WDR64: variants seen among roughly 807,000 people sequenced by gnomAD.
WDR64 encodes the protein WD repeat-containing protein 64.
In WDR64, 112 loss-of-function variants were observed where a neutral mutation model predicts 139.3. The ratio of observed to expected loss-of-function variants is 0.80; its 90% CI spans 0.69 to 0.94. The LOEUF (loss-of-function observed/expected upper bound fraction) is 0.94. Ranked by LOEUF, WDR64 falls within the 40% of genes least tolerant of loss-of-function variation. The pLI is 0.00. For synonymous variants in WDR64, 444 were observed against 437.7 expected (o/e 1.01, Z -0.18); for missense variants, 1,206 against 1,293.1 (o/e 0.93, Z 1.03).
intron 8 of WDR64, among the ~76,000 whole-genome samples, chr1:241,710,176 CCTTGTCTGGGCTT>C (rs1179847654): frequency 2.6e-5 from 4 of 152,124 alleles, no homozygotes; most frequent in Non-Finnish European, 5.9e-5. Flanking sequence ...TCCCAGACCT[CCTTGTCTGGGCTT>C]CTTGTCTAGG....
chr1:241,783,579 G>A (rs1037353764), intron 23 of WDR64, among the ~76,000 whole-genome samples, 198 bp downstream of exon 23: 28 of 152,306 alleles, frequency 1.8e-4, no homozygotes, highest in African/African-American at 6.5e-4. Context: ...AAGGACATGA[G>A]ATGTCACATT....
chr1:241,673,305 A>G (rs1666314231), intron 3 of WDR64, among the ~76,000 whole-genome samples: 1 of 152,128 alleles, frequency 6.6e-6, no homozygotes, highest in African/African-American at 2.4e-5. Context: ...CATTGTGCAC[A>G]TGTACCCTAA....
At chr1:241,792,262 T>C (rs559434475) in intron 25 of WDR64, among the ~76,000 whole-genome samples, 5 of 152,198 alleles carry the variant, frequency 3.3e-5, no homozygotes, top group East Asian at 3.9e-4. Context: ...AGGGGCCGGG[T>C]GCGGTGGCTC....
intron 6 of WDR64, among the ~76,000 whole-genome samples, chr1:241,681,831 T>C (rs970354438): frequency 2.0e-5 from 3 of 152,198 alleles, no homozygotes; most frequent in African/African-American, 7.2e-5. Flanking sequence ...AGGAGTAAGA[T>C]GGTATCATAT....
At chr1:241,693,857 G>T (rs1272758478) in intron 8 of WDR64, among the ~76,000 whole-genome samples, 1 of 152,088 alleles carries the variant, frequency 6.6e-6, no homozygotes, top group African/African-American at 2.4e-5. Context: ...CTTCTCTGGT[G>T]ATTTAATTCC....
chr1:241,733,994 TG>T (rs1187872988), intron 10 of WDR64, among the ~76,000 whole-genome samples: 1 of 152,068 alleles, frequency 6.6e-6, no homozygotes, highest in Non-Finnish European at 1.5e-5. Context: ...AAGTAAGCCT[TG>T]GGGGGCTGAA....
At chr1:241,757,997 G>T (rs1670272162) in intron 15 of WDR64, among the ~76,000 whole-genome samples, 1 of 151,852 alleles carries the variant, frequency 6.6e-6, no homozygotes, top group South Asian at 2.1e-4. Context: ...TCTTATGGTT[G>T]GTTTCAACAA....
At chr1:241,698,103 A>G (rs1303224026) in intron 8 of WDR64, among the ~76,000 whole-genome samples, 1 of 152,174 alleles carries the variant, frequency 6.6e-6, no homozygotes, top group Admixed American at 6.5e-5. Flanking sequence ...TTCTTGCTCA[A>G]TATCTGCACT....
In WDR64 at chr1:241,703,538, G is replaced by T. The variant is rs1667814992; in HGVS notation, c.975-8264G>T. 6.6e-6 allele frequency among the ~76,000 whole-genome samples: 1 copy of T among 151,788 alleles called. No homozygotes were observed. Among genetic ancestry groups the T allele is most frequent in the South Asian group, 2.1e-4 (1 of 4,792 alleles). On this transcript the variant is annotated intron_variant, in intron 8 of 27. Transcript: ENST00000437684. This position sits in a 1 kb window ranked among gnomAD's most constrained non-coding sequence, Gnocchi z 5.9. ...AATTGCTATCATTTCAGGGGGATCA[G>T]GGAAAAAGTCAGAATGAACTTCCCA...
At chr1:241,673,310 C>T (rs1226281013) in intron 3 of WDR64, among the ~76,000 whole-genome samples, 1 of 151,804 alleles carries the variant, frequency 6.6e-6, no homozygotes, top group African/African-American at 2.4e-5. Context: ...TGCACATGTA[C>T]CCTAAAACTT....
Position 241,749,601 on chromosome 1 carries a change from A to C in WDR64, c.1649A>C (p.Glu550Ala). The change falls in exon 14 of 28, where the codon GAG (glutamate) becomes GCG (alanine). Residue 550 changes from glutamate to alanine, a missense_variant. Transcript: ENST00000437684. ...GGGCAGGAGATGAAGGTGTTGCCGG[A>C]GGGGAAAGACTGGAAGGAGGACGAG... ...GSGQEMKVLPEGKDWKEDEHC... is the reference protein window; with the variant it reads ...GSGQEMKVLPAGKDWKEDEHC... The C allele has an allele frequency of 6.2e-7, 1 of 1,614,052 alleles. No homozygotes were observed. Among genetic ancestry groups the C allele is most frequent in the Non-Finnish European group, 8.5e-7 (1 of 1,179,994 alleles).
rs778991362 is a variant in WDR64 at position 241,783,367 on chromosome 1, C to T, written c.2691C>T (p.Ile897=). 12 of 1,613,216 alleles carry T rather than the reference C, an allele frequency of 7.4e-6. No homozygotes were observed. Among genetic ancestry groups the T allele is most frequent in the East Asian group, 4.5e-5 (2 of 44,872 alleles). Residue 897 remains isoleucine, a synonymous_variant, in exon 23 of 28, where the codon ATC becomes ATT. Transcript: ENST00000437684. ...AACAAGTGGTACTTACTGCCTCCAT[C>T]GATGGCTCAGTAAGGTAGGCCAAGA... is the stretch of plus-strand genomic sequence containing the variant. The part of the protein sequence containing the change: ...EEKQVVLTAS[I]DGSVRLWHAL...
chr1:241,708,694 TTTTTTTTTTG>T (rs969132879), intron 8 of WDR64, among the ~76,000 whole-genome samples: 10 of 66,280 alleles, frequency 1.5e-4, no homozygotes, highest in African/African-American at 6.2e-4. Context: ...GGTCCATGGT[TTTTTTTTTTG>T]TTTTTTTGTT....
At chr1:241,671,972 C>T (rs1256095376) in intron 3 of WDR64, among the ~76,000 whole-genome samples, 2 of 152,050 alleles carry the variant, frequency 1.3e-5, no homozygotes, top group Non-Finnish European at 2.9e-5. Flanking sequence ...GTCAGGAGTT[C>T]GAGACCAGCC....
At chr1:241,793,799 A>G (rs1256701735) in intron 25 of WDR64, among the ~76,000 whole-genome samples, 1 of 152,230 alleles carries the variant, frequency 6.6e-6, no homozygotes, top group African/African-American at 2.4e-5. Flanking sequence ...TTAGTTTCTC[A>G]ATAAACATTA....
chr1:241,685,212 A>T (rs2148113288), intron 7 of WDR64, among the ~76,000 whole-genome samples: 1 of 151,056 alleles, frequency 6.6e-6, no homozygotes, highest in Non-Finnish European at 1.5e-5. Context: ...TTTTTGTCTG[A>T]CACCTAAAAT....
chr1:241,766,166 C>T (rs1490437944), intron 15 of WDR64, 52 bp from the exon 16 acceptor site: 6 of 1,576,608 alleles, frequency 3.8e-6, no homozygotes, highest in South Asian at 1.2e-5. Context: ...GGCGTTTGCA[C>T]CGCGAATCAT....
intron 14 of WDR64, among the ~76,000 whole-genome samples, chr1:241,757,040 G>T (rs1670217448): frequency 6.6e-6 from 1 of 152,056 alleles, no homozygotes; most frequent in Non-Finnish European, 1.5e-5. Context: ...TATGTAGAAA[G>T]TATATGTATG....
chr1:241,785,279 C>G (rs954197233), intron 23 of WDR64, among the ~76,000 whole-genome samples: 1 of 152,164 alleles, frequency 6.6e-6, no homozygotes, highest in Non-Finnish European at 1.5e-5. Context: ...GCTCACTGTT[C>G]TGAAGTCTGG....
Sources: gnomAD v4.1 joint callset for allele counts (sites outside exome capture counted in the v4.1 genomes callset) on GRCh38, gnomAD v4.1.1 for gene constraint, Gnocchi (gnomAD v3.1) non-coding constraint, MANE v1.5 for transcripts, NCBI Gene and HGNC (gene_info 2026-07-23, HGNC 2026-07-21) for gene names.